Variants in NAALADL2 observed in about 807,000 individuals in gnomAD.
The protein encoded by NAALADL2 is N-acetylated alpha-linked acidic dipeptidase like 2.
In NAALADL2, 76 loss-of-function variants were observed where a neutral mutation model predicts 87.2. That is an observed-to-expected ratio of 0.87 (90% CI 0.72 to 1.05). The LOEUF is 1.05. Among genes scored for constraint, NAALADL2 ranks in the 50% least tolerant of loss-of-function variants. The pLI, the probability that NAALADL2 is intolerant of heterozygous loss-of-function variation, is 0.00. For synonymous variants in NAALADL2, 354 were observed against 331.0 expected (o/e 1.07, Z -0.75); for missense variants, 1,089 against 945.8 (o/e 1.15, Z -1.99).
intron 9 of NAALADL2, among the ~76,000 whole-genome samples, chr3:175,525,928 A>G (rs971006001): frequency 6.6e-6 from 1 of 152,322 alleles, no homozygotes; most frequent in Middle Eastern, 3.4e-3. Flanking sequence ...TCTAAGGGAT[A>G]TAAAAGCCAA....
intron 11 of NAALADL2, among the ~76,000 whole-genome samples, chr3:175,695,291 T>C (rs1458451362): frequency 6.6e-6 from 1 of 152,210 alleles, no homozygotes; most frequent in Non-Finnish European, 1.5e-5. Context: ...AAAGTTTATT[T>C]TTCCAATGTC....
chr3:175,136,460 T>A (rs750328346), intron 2 of NAALADL2, among the ~76,000 whole-genome samples: 1 of 152,150 alleles, frequency 6.6e-6, no homozygotes, highest in Non-Finnish European at 1.5e-5. Flanking sequence ...AGACTGTAGG[T>A]AGCAGGTAAG....
At chr3:175,202,066 C>T (rs935669525) in intron 2 of NAALADL2, among the ~76,000 whole-genome samples, 31 of 151,714 alleles carry the variant, frequency 2.0e-4, no homozygotes, top group African/African-American at 7.0e-4. Context: ...TTTTTACATA[C>T]GAAAACTAAG....
intron 3 of NAALADL2, among the ~76,000 whole-genome samples, chr3:174,753,323 G>A (rs762772971): frequency 2.1e-4 from 32 of 152,262 alleles, no homozygotes; most frequent in South Asian, 6.2e-4. Context: ...TGATCCAGCC[G>A]CCTTGGCCTC....
chr3:175,195,717 G>A (rs1738887867), intron 2 of NAALADL2, among the ~76,000 whole-genome samples: 2 of 151,892 alleles, frequency 1.3e-5, no homozygotes, highest in Admixed American at 1.3e-4. Context: ...TTATATATCA[G>A]CCTGTACAGG....
chr3:175,514,014 AGCTT>A (rs761746133), intron 9 of NAALADL2, among the ~76,000 whole-genome samples: 2 of 152,216 alleles, frequency 1.3e-5, no homozygotes, highest in Non-Finnish European at 2.9e-5. Flanking sequence ...TTGAACAGAC[AGCTT>A]GCTTTCTCTT....
chr3:175,418,116 C>T (rs73033647), intron 5 of NAALADL2, among the ~76,000 whole-genome samples: 10,249 of 151,768 alleles, frequency 0.068, 798 homozygotes, highest in African/African-American at 0.18. Context: ...GAGAATGAGA[C>T]CAGAAAAGAG....
At chr3:174,670,239 T>C (rs1465777234) in intron 2 of NAALADL2, among the ~76,000 whole-genome samples, 1 of 151,882 alleles carries the variant, frequency 6.6e-6, no homozygotes, top group East Asian at 1.9e-4. Flanking sequence ...TCTTTTTTTC[T>C]CCTAGTTGCT....
chr3:174,574,937 T>G (rs1715362675), intron 2 of NAALADL2, among the ~76,000 whole-genome samples: 1 of 152,106 alleles, frequency 6.6e-6, no homozygotes, highest in Non-Finnish European at 1.5e-5. Context: ...TCTATATTAT[T>G]TCCAGTTTCG....
At position 175,054,360 on chromosome 3, in the gene NAALADL2, T is replaced by C. The variant is rs548135706; in HGVS notation, c.44-42430T>C. ...AAGGGATAGTAAAGAAACAGTCTTT[T>C]AAATCTATGACTATTAAGGGCCAAT... is the stretch of plus-strand genomic sequence containing the variant. On this transcript the variant is annotated intron_variant, in intron 1 of 13. Transcript: ENST00000454872. Among the ~76,000 whole-genome samples, 10 of 152,340 alleles carry C rather than the reference T, an allele frequency of 6.6e-5. No homozygotes were observed. The South Asian group carries it at 1.9e-3, about 28-fold the overall frequency.
intron 1 of NAALADL2, among the ~76,000 whole-genome samples, chr3:175,016,912 T>C (rs1375620070): frequency 6.6e-6 from 1 of 152,046 alleles, no homozygotes; most frequent in East Asian, 1.9e-4. Context: ...TTTTCTTTTG[T>C]TGGGAACATT....
intron 10 of NAALADL2, among the ~76,000 whole-genome samples, chr3:175,596,043 A>G (rs1361705328): frequency 6.6e-6 from 1 of 152,096 alleles, no homozygotes; most frequent in African/African-American, 2.4e-5. Flanking sequence ...ATTTTTAAAT[A>G]TAGATTCAGA....
chr3:175,633,515 G>A (rs78967603), intron 11 of NAALADL2, among the ~76,000 whole-genome samples: 4,021 of 151,868 alleles, frequency 0.026, 179 homozygotes, highest in African/African-American at 0.091. Flanking sequence ...GCCAGAAGAA[G>A]TTCTATTTAT....
chr3:174,744,161 G>T (rs1734028976), intron 3 of NAALADL2, among the ~76,000 whole-genome samples: 6 of 151,850 alleles, frequency 4.0e-5, no homozygotes, highest in Admixed American at 3.9e-4. Flanking sequence ...GATAAAGAGA[G>T]ATTAAGGTAG....
intron 1 of NAALADL2, among the ~76,000 whole-genome samples, chr3:174,531,497 T>C (rs1721237454): frequency 6.6e-6 from 1 of 152,110 alleles, no homozygotes; most frequent in South Asian, 2.1e-4. Context: ...TGAATAAACA[T>C]TGTGGGTAGA....
chr3:174,469,909 AT>A (rs539021827), intron 1 of NAALADL2, among the ~76,000 whole-genome samples: 4 of 151,714 alleles, frequency 2.6e-5, no homozygotes, highest in African/African-American at 4.8e-5. Context: ...ATGAACCACT[AT>A]TTTTTTTACA....
chr3:175,188,926 T>C (rs1737746085), intron 2 of NAALADL2, among the ~76,000 whole-genome samples: 7 of 152,024 alleles, frequency 4.6e-5, no homozygotes, highest in Admixed American at 4.6e-4. Flanking sequence ...CCCAAAGCCA[T>C]GTCAATGCTG....
chr3:175,359,809 A>G (rs970764615), intron 5 of NAALADL2, among the ~76,000 whole-genome samples: 2 of 152,150 alleles, frequency 1.3e-5, no homozygotes, highest in Non-Finnish European at 2.9e-5. Flanking sequence ...ATAGATGTAC[A>G]TAGTTAAGAA....
intron 2 of NAALADL2, among the ~76,000 whole-genome samples, chr3:175,173,706 A>G (rs1233337024): frequency 6.6e-6 from 1 of 152,156 alleles, no homozygotes; most frequent in Non-Finnish European, 1.5e-5. Context: ...TGGTCTGTTT[A>G]GCTTTCCTTT....
Sources: gnomAD v4.1 joint callset for allele counts (sites outside exome capture counted in the v4.1 genomes callset) on GRCh38, gnomAD v4.1.1 for gene constraint, MANE v1.5 for transcripts, NCBI Gene and HGNC (gene_info 2026-07-23, HGNC 2026-07-21) for gene names.